The following SPHKAP variants were observed in gnomAD, a reference collection of about 807,000 sequenced individuals.
SPHKAP encodes A-kinase anchor protein SPHKAP.
Under a neutral mutation model 137.5 loss-of-function variants are expected in SPHKAP, and 67 were observed. That is an observed-to-expected ratio of 0.49 (90% CI 0.40 to 0.60). The LOEUF (loss-of-function observed/expected upper bound fraction) is 0.60. SPHKAP is among the 20% of genes least tolerant of loss of function. The pLI is 0.00. For missense variants in SPHKAP, 2,097 were observed against 2,069.3 expected, an observed-to-expected ratio of 1.01 and a Z score of -0.26; for synonymous variants, 813 against 785.3, an observed-to-expected ratio of 1.04 and a Z score of -0.59.
At chr2:228,033,687 C>T (rs1013182453) in intron 3 of SPHKAP, among the ~76,000 whole-genome samples, 1 of 152,190 alleles carries the variant, frequency 6.6e-6, no homozygotes, top group Admixed American at 6.5e-5. Context: ...TTCTCTCAGA[C>T]CACAGTGCAA....
At chr2:228,104,947 T>C (rs1261591023) in intron 3 of SPHKAP, among the ~76,000 whole-genome samples, 1 of 152,192 alleles carries the variant, frequency 6.6e-6, no homozygotes, top group Non-Finnish European at 1.5e-5. Context: ...TTTAAAGAAC[T>C]AATTTTGCTT....
chr2:228,059,798 G>A (rs1430384337), intron 3 of SPHKAP, among the ~76,000 whole-genome samples: 6 of 152,180 alleles, frequency 3.9e-5, no homozygotes, highest in Admixed American at 2.6e-4. Context: ...TAGAACATAG[G>A]ATTCTTTCCT....
At position 228,017,276 on chromosome 2, in the gene SPHKAP, T is replaced by C; in HGVS notation, c.3578A>G (p.Glu1193Gly). 6.2e-7 allele frequency: 1 copy of C among 1,614,072 alleles called. No individual in the cohort carries two copies. The highest frequency in any genetic ancestry group is 8.5e-7 in the Non-Finnish European group (1 of 1,180,014). The change falls in exon 7 of 12, where the codon GAG (glutamate) becomes GGG (glycine). Residue 1193 changes from glutamate to glycine, a missense_variant. Glu to Gly is a moderately conservative substitution (Grantham distance 98, BLOSUM62 -2). Transcript: ENST00000392056. Reference protein sequence around the residue: ...KQSSTESITEEFYRYMLRDIE... With the variant: ...KQSSTESITEGFYRYMLRDIE... ...GTCCCTCAGCATGTACCTGTAGAAC[T>C]CCTCAGTGATGCTCTCTGTGCTGGA...
At chr2:228,176,645 C>T (rs1016754565) in intron 1 of SPHKAP, among the ~76,000 whole-genome samples, 5 of 152,304 alleles carry the variant, frequency 3.3e-5, no homozygotes, top group Admixed American at 6.5e-5. Flanking sequence ...GAGGCCAGGG[C>T]AGGTGGGTCA....
At chr2:228,055,508 G>T (rs754201321) in intron 3 of SPHKAP, among the ~76,000 whole-genome samples, 1 of 152,180 alleles carries the variant, frequency 6.6e-6, no homozygotes, top group African/African-American at 2.4e-5. Context: ...AGTGTCTGGT[G>T]GGGGAGACTC....
chr2:228,113,567 TCAGCTTCTACCAAATCC>T (rs2106353453), intron 2 of SPHKAP, among the ~76,000 whole-genome samples: 1 of 150,212 alleles, frequency 6.7e-6, no homozygotes. Flanking sequence ...CTTCTCATTT[TCAGCTTCTACCAAATCC>T]CAGTCTATGC....
intron 1 of SPHKAP, among the ~76,000 whole-genome samples, chr2:228,178,503 T>C (rs1700802423): frequency 6.6e-6 from 1 of 152,152 alleles, no homozygotes; most frequent in African/African-American, 2.4e-5. Context: ...TGTAATACAG[T>C]GTACTATAGA....
intron 3 of SPHKAP, among the ~76,000 whole-genome samples, chr2:228,091,330 GA>G (rs1697722792): frequency 6.6e-6 from 1 of 152,082 alleles, no homozygotes; most frequent in South Asian, 2.1e-4. Flanking sequence ...GATAACATTG[GA>G]AAACCCGTTC....
At chr2:228,021,545 C>T (rs1694840603) in intron 6 of SPHKAP, among the ~76,000 whole-genome samples, 166 bp downstream of exon 6, 1 of 152,194 alleles carries the variant, frequency 6.6e-6, no homozygotes, top group Non-Finnish European at 1.5e-5. Flanking sequence ...TTGTCAGTAT[C>T]TTCACCAGTG....
Position 228,031,177 on chromosome 2 carries a change from G to A in SPHKAP, c.247-3634C>T, listed in dbSNP as rs1287954775. ...TGGGTCACTCCCACCCTAATACTGT[G>A]CTTTTCCAACGGGCTTAAAAAACAG... On this transcript the variant is annotated intron_variant, in intron 3 of 11. Coordinates refer to ENST00000392056, the MANE Select transcript of SPHKAP (RefSeq NM_001142644.2). 2.0e-5 allele frequency among the ~76,000 whole-genome samples: 3 copies of A among 152,318 alleles called. No homozygotes were observed. The East Asian group carries it at 5.8e-4, about 29-fold the overall frequency.
intron 3 of SPHKAP, among the ~76,000 whole-genome samples, chr2:228,102,009 G>A (rs1369633954): frequency 1.3e-5 from 2 of 152,110 alleles, no homozygotes; most frequent in East Asian, 1.9e-4. Flanking sequence ...TTAACATTGG[G>A]TGTAGTAATT....
chr2:228,017,567 T>C lies in SPHKAP; in HGVS notation c.3287A>G (p.Tyr1096Cys). 1.2e-6 allele frequency: 2 copies of C among 1,613,706 alleles called. No homozygotes were observed. The highest frequency in any genetic ancestry group is 1.1e-5 in the South Asian group (1 of 91,036). ...IPEEDSEARA[Y>C]VNSLGLMSTL... is the part of the protein sequence containing the mutation. ...GCTCATTAAGCCCAGGCTGTTGACA[T>C]AGGCCCTGGCCTCGGAGTCTTCCTC... The change falls in exon 7 of 12, where the codon TAT (tyrosine) becomes TGT (cysteine). Residue 1096 changes from tyrosine (Y) to cysteine (C), a missense_variant. By Grantham distance (194) the Tyr-to-Cys change is radical. Transcript: ENST00000392056.
At chr2:227,991,739 C>G (rs1693420326) in intron 9 of SPHKAP, 1 of 942,164 alleles carries the variant, frequency 1.1e-6, no homozygotes, top group African/African-American at 1.8e-5. Context: ...ATGTTCCCAT[C>G]TTGTCACAAT....
chr2:228,002,256 G>A (rs1693937052), intron 7 of SPHKAP, among the ~76,000 whole-genome samples: 1 of 152,206 alleles, frequency 6.6e-6, no homozygotes, highest in East Asian at 1.9e-4. Flanking sequence ...TTTAATGATT[G>A]CCATTCTAAC....
intron 3 of SPHKAP, among the ~76,000 whole-genome samples, chr2:228,029,500 G>T (rs779331286): frequency 6.6e-6 from 1 of 152,194 alleles, no homozygotes; most frequent in African/African-American, 2.4e-5. Context: ...ACCCTAGGAT[G>T]CACCATCTGC....
chr2:228,003,328 A>G (rs1287282061), intron 7 of SPHKAP, among the ~76,000 whole-genome samples: 2 of 152,184 alleles, frequency 1.3e-5, no homozygotes, highest in African/African-American at 4.8e-5. Context: ...TCTTTGAAGC[A>G]ATTGTGAATG....
chr2:228,148,435 T>C (rs1335380513), intron 1 of SPHKAP, among the ~76,000 whole-genome samples: 1 of 152,096 alleles, frequency 6.6e-6, no homozygotes, highest in Non-Finnish European at 1.5e-5. Context: ...GATCGGGAAT[T>C]GGCCACAGAA....
intron 3 of SPHKAP, among the ~76,000 whole-genome samples, chr2:228,086,957 C>T (rs1377053575): frequency 2.0e-5 from 3 of 152,146 alleles, no homozygotes; most frequent in African/African-American, 7.2e-5. Flanking sequence ...CAAAAGTAAC[C>T]CTTGCTGAAA....
chr2:228,075,095 A>G (rs1227114362), intron 3 of SPHKAP, among the ~76,000 whole-genome samples: 1 of 152,186 alleles, frequency 6.6e-6, no homozygotes, highest in Admixed American at 6.5e-5. Flanking sequence ...AGCTCCAGGG[A>G]GTAGCACAAT....
Sources: gnomAD v4.1 joint callset for allele counts (sites outside exome capture counted in the v4.1 genomes callset) on GRCh38, gnomAD v4.1.1 for gene constraint, MANE v1.5 for transcripts, NCBI Gene and HGNC (gene_info 2026-07-23, HGNC 2026-07-21) for gene names.